The following LPAR1 variants were observed in gnomAD, a reference collection of about 807,000 sequenced individuals.
LPAR1 encodes the protein lysophosphatidic acid receptor 1, also known as LPA receptor 1.
In LPAR1, 5 loss-of-function variants were observed where a neutral mutation model predicts 23.8. The observed-to-expected ratio is 0.21, with a 90% CI of 0.11 to 0.44. LPAR1 has a LOEUF of 0.44. LPAR1 is among the 20% of genes least tolerant of loss of function. The pLI, the probability that LPAR1 is intolerant of heterozygous loss-of-function variation, is 0.99. For missense variants in LPAR1, 311 were observed against 482.8 expected, an observed-to-expected ratio of 0.64 and a Z score of 3.33; for synonymous variants, 160 against 164.7, an observed-to-expected ratio of 0.97 and a Z score of 0.22.
chr9:110,938,464 A>G (rs1329143938), intron 5 of LPAR1, among the ~76,000 whole-genome samples: 1 of 152,168 alleles, frequency 6.6e-6, no homozygotes, highest in African/African-American at 2.4e-5. Flanking sequence ...TACAAATGCA[A>G]TGGCAATGAC....
chr9:110,933,605 G>T (rs1409922183), intron 5 of LPAR1, among the ~76,000 whole-genome samples: 2 of 152,068 alleles, frequency 1.3e-5, no homozygotes, highest in African/African-American at 4.8e-5. Flanking sequence ...TCTTACTCCA[G>T]ATCTAAACTC....
chr9:110,993,915 G>A (rs1052288811), intron 2 of LPAR1, among the ~76,000 whole-genome samples: 1 of 152,132 alleles, frequency 6.6e-6, no homozygotes, highest in Admixed American at 6.6e-5. Context: ...TTATTTCTAA[G>A]TTTGAAAATG....
intron 5 of LPAR1, among the ~76,000 whole-genome samples, chr9:110,910,344 A>G (rs1284610501): frequency 6.6e-6 from 1 of 152,208 alleles, no homozygotes; most frequent in Non-Finnish European, 1.5e-5. Flanking sequence ...ATCTGTTTAT[A>G]TCATGGCTTA....
At chr9:110,967,892 T>C (rs180672172) in intron 4 of LPAR1, among the ~76,000 whole-genome samples, 1 of 152,302 alleles carries the variant, frequency 6.6e-6, no homozygotes, top group Non-Finnish European at 1.5e-5. Context: ...GGTCTGCATC[T>C]CTCCAGAAGA....
intron 2 of LPAR1, among the ~76,000 whole-genome samples, chr9:111,020,032 A>C (rs758424232): frequency 1.3e-5 from 2 of 152,126 alleles, no homozygotes; most frequent in Non-Finnish European, 2.9e-5. Context: ...TGTGTATAGA[A>C]ACAAAGATCT....
At chr9:110,958,859 A>T (rs942394019) in intron 4 of LPAR1, among the ~76,000 whole-genome samples, 1 of 95,242 alleles carries the variant, frequency 1.0e-5, no homozygotes, top group African/African-American at 5.2e-5. Context: ...GTCAAGAGTT[A>T]AAAAAAAAAA....
At chr9:110,959,601 G>A (rs1588544451) in intron 4 of LPAR1, among the ~76,000 whole-genome samples, 1 of 152,082 alleles carries the variant, frequency 6.6e-6, no homozygotes, top group South Asian at 2.1e-4. Context: ...CTGGGTGACA[G>A]AGTGAGAACC....
At chr9:111,037,706 G>A (rs1263087826) in intron 1 of LPAR1, 5 of 152,104 alleles carry the variant, frequency 3.3e-5, no homozygotes, top group Non-Finnish European at 7.3e-5. Context: ...GGGACCCCTC[G>A]GAGGTGCAAG....
At chr9:111,000,443 T>G (rs1362346454) in intron 2 of LPAR1, among the ~76,000 whole-genome samples, 1 of 152,164 alleles carries the variant, frequency 6.6e-6, no homozygotes, top group East Asian at 1.9e-4. Context: ...GTTTCAGCAG[T>G]CAGGGTCCAG....
Position 110,991,672 on chromosome 9 carries a change from G to A in LPAR1, c.-181-18114C>T, listed in dbSNP as rs557828126. 9.2e-5 allele frequency among the ~76,000 whole-genome samples: 14 copies of A among 152,054 alleles called. No homozygotes were observed. In the East Asian group the frequency reaches 2.3e-3, roughly 25 times the overall value. ...TGCCCAGGCTGGAGTGCAATGGCAC[G>A]ATCTTGGCTCACTGCAACCTCCGCC... On this transcript the variant is annotated intron_variant, in intron 2 of 5. Coordinates refer to ENST00000683809, the MANE Select transcript of LPAR1 (RefSeq NM_001351411.2).
At chr9:110,905,356 T>A (rs1044000157) in intron 5 of LPAR1, among the ~76,000 whole-genome samples, 4 of 147,496 alleles carry the variant, frequency 2.7e-5, no homozygotes, top group Admixed American at 2.0e-4. Context: ...ATTATTTTTT[T>A]TTTTTTGCAG....
At chr9:110,917,679 G>A in intron 5 of LPAR1, among the ~76,000 whole-genome samples, 1 of 152,132 alleles carries the variant, frequency 6.6e-6, no homozygotes, top group East Asian at 1.9e-4. Flanking sequence ...AATGAGAAAT[G>A]TCTCTTTGGA....
intron 5 of LPAR1, among the ~76,000 whole-genome samples, chr9:110,902,831 C>A (rs80339553): frequency 6.6e-6 from 1 of 152,140 alleles, no homozygotes; most frequent in African/African-American, 2.4e-5. Context: ...TGTTTGTATT[C>A]CCTCTACCTC....
intron 4 of LPAR1, among the ~76,000 whole-genome samples, chr9:110,958,338 G>C (rs1265237399): frequency 3.3e-5 from 5 of 152,098 alleles, no homozygotes; most frequent in African/African-American, 1.2e-4. Flanking sequence ...ATATCACAAA[G>C]CTATGGTAAC....
chr9:110,897,306 T>C (rs1444101507), intron 5 of LPAR1, among the ~76,000 whole-genome samples: 1 of 152,188 alleles, frequency 6.6e-6, no homozygotes, highest in Admixed American at 6.5e-5. Flanking sequence ...CAGGAGTTTC[T>C]CTGCACAAGC....
chr9:111,000,850 T>C (rs910726372), intron 2 of LPAR1, among the ~76,000 whole-genome samples: 1 of 152,218 alleles, frequency 6.6e-6, no homozygotes, highest in Non-Finnish European at 1.5e-5. Flanking sequence ...AATACTCTTA[T>C]TCTCTCCTAC....
chr9:111,018,794 C>T (rs1223071950), intron 2 of LPAR1, among the ~76,000 whole-genome samples: 1 of 152,130 alleles, frequency 6.6e-6, no homozygotes, highest in African/African-American at 2.4e-5. Flanking sequence ...CACTCTTAAT[C>T]AGTCTACGGA....
chr9:111,023,995 C>T (rs1372486316), intron 2 of LPAR1, among the ~76,000 whole-genome samples: 1 of 152,072 alleles, frequency 6.6e-6, no homozygotes, highest in Non-Finnish European at 1.5e-5. Context: ...CACACAAAGA[C>T]AAAAATTGGC....
At chr9:110,943,398 T>C (rs1588458787) in intron 4 of LPAR1, among the ~76,000 whole-genome samples, 2 of 152,196 alleles carry the variant, frequency 1.3e-5, no homozygotes, top group Admixed American at 1.3e-4. Context: ...GGTTGTACAC[T>C]AAAACTTCCA....
Sources: gnomAD v4.1 joint callset for allele counts (sites outside exome capture counted in the v4.1 genomes callset) on GRCh38, gnomAD v4.1.1 for gene constraint, MANE v1.5 for transcripts, NCBI Gene and HGNC (gene_info 2026-07-23, HGNC 2026-07-21) for gene names.